The following PDCD6 variants were observed in gnomAD, a reference collection of about 807,000 sequenced individuals.
The protein encoded by PDCD6 is programmed cell death 6.
Under a neutral mutation model 28.3 loss-of-function variants are expected in PDCD6, and 12 were observed. The ratio of observed to expected loss-of-function variants is 0.42; its 90% CI spans 0.27 to 0.69. The LOEUF (loss-of-function observed/expected upper bound fraction) is 0.69. Among genes scored for constraint, PDCD6 ranks in the 30% least tolerant of loss-of-function variants. PDCD6 has a pLI of 0.22. For missense variants in PDCD6, 226 were observed against 269.9 expected (o/e 0.84, Z 1.14); for synonymous variants, 92 against 108.0 (o/e 0.85, Z 0.92).
At chr5:274,662 C>A (rs1359026735) in intron 2 of PDCD6, among the ~76,000 whole-genome samples, 2 of 152,156 alleles carry the variant, frequency 1.3e-5, no homozygotes, top group Non-Finnish European at 2.9e-5. Flanking sequence ...TTTCCACTTA[C>A]TCAACACTCA....
rs376544626 is a variant in PDCD6, at chr5:284,519, G to A, written c.163+11747G>A. Among the ~76,000 whole-genome samples, 202 of 152,302 alleles carry A rather than the reference G, an allele frequency of 1.3e-3. 5 individuals are homozygous for A. In the South Asian group the frequency reaches 0.041, roughly 31 times the overall value. ...GGTCATGCAACTGGAGACCTGTGCGGGGGAGAAGATGTTCCAGTTTGAGGG... is the reference window on the plus strand; with the variant it reads ...GGTCATGCAACTGGAGACCTGTGCGAGGGAGAAGATGTTCCAGTTTGAGGG... On this transcript the variant is annotated intron_variant, in intron 2 of 5. Transcript: ENST00000264933.
At chr5:287,202 C>G (rs1199621611) in intron 2 of PDCD6, among the ~76,000 whole-genome samples, 1 of 152,110 alleles carries the variant, frequency 6.6e-6, no homozygotes, top group Non-Finnish European at 1.5e-5. Flanking sequence ...AGCTGGAGAC[C>G]TGTGGACAAG....
chr5:313,004 G>A (rs943666267), intron 5 of PDCD6, among the ~76,000 whole-genome samples: 4 of 152,184 alleles, frequency 2.6e-5, no homozygotes, highest in African/African-American at 7.2e-5. Flanking sequence ...TAACACAGGC[G>A]GCCTCACAGC....
At chr5:273,564 GT>G (rs1412482358) in intron 2 of PDCD6, among the ~76,000 whole-genome samples, 1 of 152,198 alleles carries the variant, frequency 6.6e-6, no homozygotes, top group Non-Finnish European at 1.5e-5. Flanking sequence ...AAAGGGGTCA[GT>G]TTTGAGATGT....
At chr5:276,194 A>C in intron 2 of PDCD6, 1 of 1,072,208 alleles carries the variant, frequency 9.3e-7, no homozygotes, top group East Asian at 7.3e-5. Flanking sequence ...AAGCCACGGC[A>C]CTCCAGCCTG....
intron 5 of PDCD6, among the ~76,000 whole-genome samples, chr5:313,048 G>A (rs1378662556): frequency 6.6e-6 from 1 of 152,218 alleles, no homozygotes; most frequent in African/African-American, 2.4e-5. Context: ...CACATCTGCA[G>A]CCAGCGTAGC....
At chr5:301,357 T>C (rs764121244) in intron 2 of PDCD6, among the ~76,000 whole-genome samples, 7 of 152,222 alleles carry the variant, frequency 4.6e-5, no homozygotes, top group Non-Finnish European at 8.8e-5. Flanking sequence ...CAGATGGAAT[T>C]GGGTGAGGCA....
intron 4 of PDCD6, chr5:308,961 G>C (rs1182359966): frequency 6.5e-6 from 1 of 154,650 alleles, no homozygotes; most frequent in Non-Finnish European, 1.4e-5. Flanking sequence ...GACTCAGCAC[G>C]TGCCGTTTAG....
chr5:302,068 C>CTGTGTGTGTGTG lies in PDCD6; in HGVS notation c.164-2108_164-2107insGTGTGTGTGTGT, dbSNP rs1491538086. Among the ~76,000 whole-genome samples, 14 of 63,372 alleles carry CTGTGTGTGTGTG rather than the reference C, an allele frequency of 2.2e-4. No individual in the cohort carries two copies. The South Asian group carries it at 2.7e-3, about 12-fold the overall frequency. The allele number at this position is 63,372 out of a possible 152,430, so 41.6% of individuals were successfully genotyped here. A position where few individuals can be genotyped will look rare whatever the true frequency, so the allele number is the denominator to read the frequency against. ...CTGGAGGGCGGATCATTGAGTGCTG[C>CTGTGTGTGTGTG]TCTGTGTGTGTGTGTGTGTGTGTGT... On this transcript the variant is annotated intron_variant, in intron 2 of 5. Coordinates refer to ENST00000264933, the MANE Select transcript of PDCD6 (RefSeq NM_013232.4).
intron 5 of PDCD6, chr5:311,758 A>G (rs774515485): frequency 4.1e-5 from 10 of 244,518 alleles, no homozygotes; most frequent in Non-Finnish European, 7.9e-5. Context: ...CAGTGGCACG[A>G]TCCCGGCTCA....
At chr5:311,539 C>G (rs1296026484) in intron 5 of PDCD6, 137 bp downstream of exon 5, 2 of 636,274 alleles carry the variant, frequency 3.1e-6, no homozygotes, top group African/African-American at 3.7e-5. Flanking sequence ...TGAGTCTCAT[C>G]TTTGGAGAAG....
At chr5:286,709 G>A (rs1208692089) in intron 2 of PDCD6, among the ~76,000 whole-genome samples, 2 of 152,060 alleles carry the variant, frequency 1.3e-5, no homozygotes, top group Non-Finnish European at 2.9e-5. Flanking sequence ...CTGGGGAGGA[G>A]CTGATGTTCC....
chr5:302,381 C>G (rs573657943), intron 2 of PDCD6, among the ~76,000 whole-genome samples: 1 of 124,518 alleles, frequency 8.0e-6, no homozygotes, highest in African/African-American at 4.0e-5. Flanking sequence ...GAGGGTGGGT[C>G]GTGGAGTGCT....
chr5:283,802 C>G (rs565878110), intron 2 of PDCD6, among the ~76,000 whole-genome samples: 1 of 137,398 alleles, frequency 7.3e-6, no homozygotes, highest in East Asian at 2.2e-4. Context: ...AGCTAATGTT[C>G]AGTTTGAAGG....
At chr5:294,293 A>G (rs922387529) in intron 2 of PDCD6, among the ~76,000 whole-genome samples, 16 of 144,186 alleles carry the variant, frequency 1.1e-4, no homozygotes, top group Admixed American at 4.7e-4. Context: ...ACATTTGTGA[A>G]TCACACGTCT....
At chr5:299,505 T>C in intron 2 of PDCD6, among the ~76,000 whole-genome samples, 1 of 151,810 alleles carries the variant, frequency 6.6e-6, no homozygotes, top group Non-Finnish European at 1.5e-5. Flanking sequence ...GTCTCTGTGC[T>C]TCTGAAGCTG....
At chr5:302,395 C>CTGCTGTG (rs1740140296) in intron 2 of PDCD6, among the ~76,000 whole-genome samples, 1 of 76,172 alleles carries the variant, frequency 1.3e-5, no homozygotes, top group African/African-American at 1.2e-4. Context: ...GAGTGCTGCT[C>CTGCTGTG]TGTGTGTATG....
chr5:274,093 A>G (rs1004262886), intron 2 of PDCD6, among the ~76,000 whole-genome samples: 4 of 152,176 alleles, frequency 2.6e-5, no homozygotes, highest in African/African-American at 9.7e-5. Flanking sequence ...GTGGATGCAA[A>G]TGGCTCTGTG....
chr5:288,780 G>A (rs1371919865), intron 2 of PDCD6: 19 of 844,996 alleles, frequency 2.2e-5, no homozygotes, highest in South Asian at 6.5e-5. Context: ...AGTTTTATAC[G>A]GCGTTAAAAC....
Sources: allele counts gnomAD v4.1 joint callset (sites outside exome capture counted in the v4.1 genomes callset), GRCh38; gene constraint gnomAD v4.1.1; transcripts MANE v1.5; gene names NCBI Gene and HGNC (gene_info 2026-07-23, HGNC 2026-07-21).